RAB3GAP1: variants seen among roughly 807,000 people sequenced by gnomAD.
The protein encoded by RAB3GAP1 is rab3 GTPase-activating protein catalytic subunit.
Under a neutral mutation model 130.7 loss-of-function variants are expected in RAB3GAP1, and 86 were observed. That is an observed-to-expected ratio of 0.66 (90% CI 0.55 to 0.79). The LOEUF is 0.79. Among genes scored for constraint, RAB3GAP1 ranks in the 30% least tolerant of loss-of-function variants. The pLI, the probability that RAB3GAP1 is intolerant of heterozygous loss-of-function variation, is 0.00. For missense variants in RAB3GAP1, 1,029 were observed against 1,169.4 expected, an observed-to-expected ratio of 0.88 and a Z score of 1.75; for synonymous variants, 367 against 401.7, an observed-to-expected ratio of 0.91 and a Z score of 1.03.
At chr2:135,113,007 G>A in intron 5 of RAB3GAP1, 144 bp from the exon 6 acceptor site, 2 of 1,073,206 alleles carry the variant, frequency 1.9e-6, no homozygotes, top group Non-Finnish European at 2.8e-6. Context: ...GGTCTTGTAG[G>A]TTCTGTTGCC....
intron 7 of RAB3GAP1, among the ~76,000 whole-genome samples, chr2:135,120,513 T>A (rs1001713744): frequency 1.3e-5 from 2 of 152,224 alleles, no homozygotes; most frequent in South Asian, 2.1e-4. Context: ...GGATCTTTCC[T>A]CCTGTTCATC....
intron 3 of RAB3GAP1, among the ~76,000 whole-genome samples, chr2:135,059,234 C>T (rs1401514209): frequency 6.6e-6 from 1 of 152,106 alleles, no homozygotes; most frequent in Non-Finnish European, 1.5e-5. Flanking sequence ...GAAACAAATA[C>T]ATAACAATTG....
chr2:135,148,342 G>A (rs1367835842), intron 17 of RAB3GAP1, among the ~76,000 whole-genome samples: 4 of 152,008 alleles, frequency 2.6e-5, no homozygotes, highest in East Asian at 1.9e-4. Flanking sequence ...ATAAGAATTC[G>A]AACATACTTC....
At chr2:135,106,089 C>T (rs1024641187) in intron 5 of RAB3GAP1, among the ~76,000 whole-genome samples, 53 of 151,658 alleles carry the variant, frequency 3.5e-4, no homozygotes, top group Admixed American at 9.2e-4. Context: ...CCGCCCCATC[C>T]GGGAGGTGGG....
chr2:135,117,561 T>G (rs1044539579), intron 7 of RAB3GAP1, among the ~76,000 whole-genome samples: 24 of 148,110 alleles, frequency 1.6e-4, no homozygotes, highest in East Asian at 8.1e-4. Flanking sequence ...TTCTTCTGCT[T>G]CTTCTTCTGC....
downstream of RAB3GAP1, among the ~76,000 whole-genome samples, chr2:135,174,040 T>G (rs1692937172): frequency 6.6e-6 from 1 of 152,194 alleles, no homozygotes; most frequent in African/African-American, 2.4e-5. Context: ...AAAGTGGAAC[T>G]TGGCTAGTTC....
intron 3 of RAB3GAP1, among the ~76,000 whole-genome samples, chr2:135,072,312 C>T (rs978340858): frequency 6.6e-6 from 1 of 152,180 alleles, no homozygotes; most frequent in Non-Finnish European, 1.5e-5. Flanking sequence ...ATAAAAGTAG[C>T]AGGCATCATT....
intron 3 of RAB3GAP1, among the ~76,000 whole-genome samples, chr2:135,059,424 C>T (rs1689107196): frequency 6.6e-6 from 1 of 152,022 alleles, no homozygotes; most frequent in Non-Finnish European, 1.5e-5. Flanking sequence ...AAATTGTGAA[C>T]AAGATAAGAT....
intron 5 of RAB3GAP1, among the ~76,000 whole-genome samples, chr2:135,095,079 C>T (rs929464011): frequency 1.3e-5 from 2 of 152,042 alleles, no homozygotes; most frequent in African/African-American, 4.8e-5. Flanking sequence ...AACAGAGTCT[C>T]ACTCTGTCGC....
rs780543920 is a variant in RAB3GAP1, at chr2:135,120,850, G to A, written c.680G>A (p.Ser227Asn). The A allele has an allele frequency of 6.2e-7, 1 of 1,613,112 alleles. No individual in the cohort carries two copies. The highest frequency in any genetic ancestry group is 8.5e-7 in the Non-Finnish European group (1 of 1,179,136). The change falls in exon 8 of 24, where the codon AGT becomes AAT. Residue 227 changes from serine (S) to asparagine (N), a missense_variant. By Grantham distance (46) the Ser-to-Asn change is conservative. Coordinates refer to ENST00000264158, the MANE Select transcript of RAB3GAP1 (RefSeq NM_012233.3). Reference sequence around the variant, plus strand: ...CCTTTAACTCCATTGCCTCCAGTTAGTATTGCTATTCGATTTACCTATGTA... The same window carrying A: ...CCTTTAACTCCATTGCCTCCAGTTAATATTGCTATTCGATTTACCTATGTA... ...GCPLTPLPPV[S>N]IAIRFTYVLQ...
intron 5 of RAB3GAP1, among the ~76,000 whole-genome samples, chr2:135,106,410 AAG>A (rs1479225206): frequency 6.6e-6 from 1 of 152,246 alleles, no homozygotes; most frequent in Non-Finnish European, 1.5e-5. Context: ...GTTCTGTACT[AAG>A]AAAAATTCTT....
At chr2:135,062,976 T>G (rs1689219829) in intron 3 of RAB3GAP1, among the ~76,000 whole-genome samples, 1 of 152,200 alleles carries the variant, frequency 6.6e-6, no homozygotes. Context: ...AGGGACAGTT[T>G]TACTTTCTTT....
intron 3 of RAB3GAP1, among the ~76,000 whole-genome samples, chr2:135,079,203 C>G (rs1689716052): frequency 6.6e-6 from 1 of 151,998 alleles, no homozygotes; most frequent in Non-Finnish European, 1.5e-5. Context: ...CCAGGATGGT[C>G]TTGAACTCCT....
intron 3 of RAB3GAP1, among the ~76,000 whole-genome samples, chr2:135,087,094 G>A (rs1169553493): frequency 1.3e-5 from 2 of 152,078 alleles, no homozygotes; most frequent in Non-Finnish European, 2.9e-5. Context: ...CTATCCCAAG[G>A]TATTTGCAAG....
In RAB3GAP1 at chr2:135,164,604, T is replaced by C. The variant is rs375263858; in HGVS notation, c.2617T>C (p.Cys873Arg). Reference protein sequence around the residue: ...EKEDLERFVSCLLEQPEVLVT... With the variant: ...EKEDLERFVSRLLEQPEVLVT... ...GTCTCTGTCTCCTAGGTTTGTGAGT[T>C]GCCTGCTGGAGCAGCCTGAAGTGTT... Residue 873 changes from cysteine (C) to arginine (R), a missense_variant, in exon 23 of 24, where the codon TGC (cysteine) becomes CGC (arginine). Cys to Arg is a radical substitution (Grantham distance 180). Transcript: ENST00000264158. 1.9e-5 allele frequency: 31 copies of C among 1,611,882 alleles called. No individual in the cohort carries two copies. Among genetic ancestry groups the C allele is most frequent in the Non-Finnish European group, 2.6e-5 (31 of 1,178,588 alleles).
chr2:135,135,114 T>TC (rs1691642392), intron 15 of RAB3GAP1, 151 bp from the exon 16 acceptor site: 2 of 675,160 alleles, frequency 3.0e-6, no homozygotes, highest in Middle Eastern at 7.9e-4. Flanking sequence ...TTCTATGTGC[T>TC]CCCCCTCTGG....
intron 19 of RAB3GAP1, among the ~76,000 whole-genome samples, chr2:135,155,742 C>T (rs1692293097): frequency 6.6e-6 from 1 of 151,702 alleles, no homozygotes; most frequent in African/African-American, 2.4e-5. Context: ...CTTTCATAGC[C>T]CTGTATCAGT....
chr2:135,056,369 A>G (rs760830404), intron 2 of RAB3GAP1, among the ~76,000 whole-genome samples: 18 of 151,514 alleles, frequency 1.2e-4, no homozygotes, highest in Admixed American at 4.6e-4. Context: ...CGCCTGGCTA[A>G]TTTTTGTTGT....
At chr2:135,126,519 A>G in intron 10 of RAB3GAP1, 64 bp from the exon 11 acceptor site, 1 of 1,426,000 alleles carries the variant, frequency 7.0e-7, no homozygotes, top group Non-Finnish European at 9.9e-7. Context: ...CTGCATTTTA[A>G]TAAGTTCATG....
Sources: gnomAD v4.1 joint callset for allele counts (sites outside exome capture counted in the v4.1 genomes callset) on GRCh38, gnomAD v4.1.1 for gene constraint, MANE v1.5 for transcripts, NCBI Gene and HGNC (gene_info 2026-07-23, HGNC 2026-07-21) for gene names.